The following AVEN variants were observed in gnomAD, a reference collection of about 807,000 sequenced individuals.
AVEN encodes the protein apoptosis and caspase activation inhibitor.
In AVEN, 41 loss-of-function variants were observed where a neutral mutation model predicts 38.1. The observed-to-expected ratio is 1.08, with a 90% CI of 0.84 to 1.40. The LOEUF (loss-of-function observed/expected upper bound fraction) is 1.40. Ranked by LOEUF, AVEN falls within the 40% of genes most tolerant of loss-of-function variation. The pLI is 0.00. For synonymous variants in AVEN, 206 were observed against 171.8 expected (o/e 1.20, Z -1.56); for missense variants, 605 against 438.8 (o/e 1.38, Z -3.38).
chr15:34,028,075 C>T (rs1333181096), intron 1 of AVEN, among the ~76,000 whole-genome samples: 1 of 152,158 alleles, frequency 6.6e-6, no homozygotes, highest in African/African-American at 2.4e-5. Flanking sequence ...GCACTGAAAG[C>T]ATAAGCATAC....
Position 33,983,200 on chromosome 15 carries a change from G to GTATA in AVEN, c.445+19828_445+19831dup, listed in dbSNP as rs769965010. 1.1e-3 allele frequency among the ~76,000 whole-genome samples: 72 copies of GTATA among 63,896 alleles called. 2 individuals carry two copies. Among genetic ancestry groups the GTATA allele is most frequent in the Admixed American group, 1.9e-3 (10 of 5,362 alleles). 41.9% of individuals were successfully genotyped at this position (63,896 alleles called of 152,430 possible). Reference sequence around the variant, plus strand: ...TATACACACGTGTGTGTATGTGTGTGTATATATATATATACATATATATAC... The same window carrying GTATA: ...TATACACACGTGTGTGTATGTGTGTGTATATATATATATATATACATATATATAC... On this transcript the variant is annotated intron_variant, in intron 2 of 5. Transcript: ENST00000306730.
downstream of AVEN, chr15:33,854,658 C>T: frequency 2.1e-6 from 3 of 1,426,096 alleles, no homozygotes; most frequent in Non-Finnish European, 2.9e-6. Context: ...ACCTCAGCAC[C>T]TAAACCCCCT....
chr15:33,858,802 ATC>A (rs2080006892), exon 12 of AVEN: 2 of 152,198 alleles, frequency 1.3e-5, no homozygotes, highest in Admixed American at 6.5e-5. Flanking sequence ...CAGAAAAAGA[ATC>A]TGTGTCTCAG....
intron 1 of AVEN, among the ~76,000 whole-genome samples, chr15:34,025,760 G>GTGTGTGTGTGTGTT (rs1555517768): frequency 5.3e-5 from 8 of 151,644 alleles, no homozygotes; most frequent in Non-Finnish European, 1.0e-4. Flanking sequence ...GGTTTTGCGT[G>GTGTGTGTGTGTGTT]TGTGTGTGTG....
chr15:33,989,030 T>C (rs1320690261), intron 2 of AVEN, among the ~76,000 whole-genome samples: 1 of 147,610 alleles, frequency 6.8e-6, no homozygotes, highest in Non-Finnish European at 1.5e-5. Flanking sequence ...TTCTTTTGCT[T>C]AGCATCCTAA....
intron 1 of AVEN, among the ~76,000 whole-genome samples, chr15:34,037,109 CAAA>C (rs59011779): frequency 1.5e-5 from 2 of 137,692 alleles, no homozygotes; most frequent in African/African-American, 5.6e-5. Flanking sequence ...AACTCCGTCT[CAAA>C]AAAAAAAAAA....
intron 1 of AVEN, among the ~76,000 whole-genome samples, chr15:34,029,517 C>CAAAAAA (rs66519745): frequency 8.4e-6 from 1 of 118,694 alleles, no homozygotes; most frequent in Non-Finnish European, 1.7e-5. Context: ...CCTATTTCTA[C>CAAAAAA]AAAAAAAAAA....
At chr15:33,902,775 T>C (rs671822) in intron 2 of AVEN, among the ~76,000 whole-genome samples, 3,659 of 152,208 alleles carry the variant, frequency 0.024, 128 homozygotes, top group African/African-American at 0.077. Context: ...AACAGCCTAG[T>C]TGAAAAAGAA....
intron 2 of AVEN, among the ~76,000 whole-genome samples, chr15:33,956,233 G>A (rs12592238): frequency 0.24 from 36,248 of 151,964 alleles, 5,528 homozygotes; most frequent in African/African-American, 0.43. Flanking sequence ...TAGCTCACCT[G>A]TCCTGCTCTA....
chr15:33,999,679 C>T (rs1316072502), intron 2 of AVEN, among the ~76,000 whole-genome samples: 1 of 152,170 alleles, frequency 6.6e-6, no homozygotes, highest in Non-Finnish European at 1.5e-5. Flanking sequence ...ACCTCCACTG[C>T]TCTCCTCTGG....
chr15:33,991,665 T>C (rs1236224606), intron 2 of AVEN: 1 of 152,066 alleles, frequency 6.6e-6, no homozygotes, highest in Non-Finnish European at 1.5e-5. Context: ...ACTTTATCAG[T>C]AGAGCAAAAG....
chr15:33,991,602 T>C (rs1441449087), intron 2 of AVEN: 2 of 152,046 alleles, frequency 1.3e-5, no homozygotes, highest in Non-Finnish European at 2.9e-5. Flanking sequence ...ATGTGACCTG[T>C]AGAAAGCACC....
At chr15:33,855,679 C>T (rs967510006), downstream of AVEN, among the ~76,000 whole-genome samples, 1 of 151,646 alleles carries the variant, frequency 6.6e-6, no homozygotes, top group African/African-American at 2.4e-5. Flanking sequence ...TTCAGATACA[C>T]ACACACATAT....
intron 2 of AVEN, among the ~76,000 whole-genome samples, chr15:33,973,351 A>G (rs949301034): frequency 6.6e-6 from 1 of 152,346 alleles, no homozygotes; most frequent in East Asian, 1.9e-4. Flanking sequence ...GTGTAAATCT[A>G]TCAGGCTCAG....
chr15:34,013,065 G>C (rs982576573), intron 1 of AVEN, among the ~76,000 whole-genome samples: 1 of 146,128 alleles, frequency 6.8e-6, no homozygotes, highest in Non-Finnish European at 1.5e-5. Context: ...TTTTTTGTTT[G>C]TTTGTTTGTT....
intron 2 of AVEN, 23 bp from the exon 3 acceptor site, chr15:33,876,018 A>C: frequency 6.3e-7 from 1 of 1,596,806 alleles, no homozygotes; most frequent in East Asian, 2.2e-5. Context: ...AAAAAAAAAA[A>C]ATTTATGCAA....
intron 11 of AVEN, chr15:33,859,604 G>A (rs2153013408): frequency 2.5e-6 from 4 of 1,614,044 alleles, no homozygotes; most frequent in Middle Eastern, 3.3e-4. Context: ...ACGTGGGAGT[G>A]AGAGCAGGAG....
chr15:33,931,158 A>T (rs1410994338), intron 2 of AVEN, among the ~76,000 whole-genome samples: 1 of 152,054 alleles, frequency 6.6e-6, no homozygotes, highest in East Asian at 1.9e-4. Context: ...AATTATCTAT[A>T]GTCTAAATTA....
chr15:33,880,227 G>A (rs957936825), intron 2 of AVEN, among the ~76,000 whole-genome samples: 1 of 152,196 alleles, frequency 6.6e-6, no homozygotes, highest in Non-Finnish European at 1.5e-5. Flanking sequence ...CTGAAGACAT[G>A]AGAGTTCCCA....
Sources: gnomAD v4.1 joint callset for allele counts (sites outside exome capture counted in the v4.1 genomes callset) on GRCh38, gnomAD v4.1.1 for gene constraint, MANE v1.5 for transcripts, NCBI Gene and HGNC (gene_info 2026-07-23, HGNC 2026-07-21) for gene names.